Variants in RFX3 observed in about 807,000 individuals in gnomAD.
RFX3 encodes regulatory factor X3.
In RFX3, 14 loss-of-function variants were observed where a neutral mutation model predicts 98.6. The ratio of observed to expected loss-of-function variants is 0.14; its 90% CI spans 0.09 to 0.22. The LOEUF (loss-of-function observed/expected upper bound fraction) is 0.22. RFX3 is among the 10% of genes least tolerant of loss of function. The probability of loss-of-function intolerance (pLI) is 1.00; values close to 1 mark genes in which losing one functional copy is unlikely to be tolerated. For synonymous variants in RFX3, 383 were observed against 328.4 expected (o/e 1.17, Z -1.80); for missense variants, 639 against 926.9 (o/e 0.69, Z 4.03).
chr9:3,482,895 G>A (rs906960384), intron 1 of RFX3, among the ~76,000 whole-genome samples: 1 of 151,982 alleles, frequency 6.6e-6, no homozygotes, highest in African/African-American at 2.4e-5. Flanking sequence ...ATGTCCACTT[G>A]GGAGCTTATT....
At chr9:3,352,098 G>C (rs564598786) in intron 2 of RFX3, among the ~76,000 whole-genome samples, 1 of 151,898 alleles carries the variant, frequency 6.6e-6, no homozygotes, top group Non-Finnish European at 1.5e-5. Flanking sequence ...AATAAAGTAA[G>C]ATATATATGT....
chr9:3,452,092 AC>A (rs1188550319), intron 1 of RFX3, among the ~76,000 whole-genome samples: 2 of 151,298 alleles, frequency 1.3e-5, no homozygotes, highest in African/African-American at 4.9e-5. Flanking sequence ...ATGAAACAAG[AC>A]AAACCTGCTG....
intron 5 of RFX3, among the ~76,000 whole-genome samples, chr9:3,294,509 A>G (rs1395774889): frequency 6.6e-6 from 1 of 152,168 alleles, no homozygotes; most frequent in African/African-American, 2.4e-5. Context: ...ATGAAATGCT[A>G]AAAATAATAT....
chr9:3,342,726 C>A (rs1834030200), intron 3 of RFX3, among the ~76,000 whole-genome samples: 1 of 151,970 alleles, frequency 6.6e-6, no homozygotes, highest in South Asian at 2.1e-4. Flanking sequence ...ACTCTCTCTA[C>A]ATGGTATGCA....
intron 5 of RFX3, among the ~76,000 whole-genome samples, chr9:3,297,616 C>T (rs2986685): frequency 0.087 from 13,278 of 151,856 alleles, 1,680 homozygotes; most frequent in African/African-American, 0.28. Flanking sequence ...AGTTTACTAA[C>T]GATATGCATT....
At chr9:3,258,851 T>A (rs2131147324) in intron 13 of RFX3, among the ~76,000 whole-genome samples, 1 of 151,334 alleles carries the variant, frequency 6.6e-6, no homozygotes, top group South Asian at 2.1e-4. Flanking sequence ...ATTTTAAATA[T>A]ATATTTGTAT....
intron 1 of RFX3, chr9:3,490,431 TAA>T (rs1587846218): frequency 1.2e-5 from 3 of 255,550 alleles, no homozygotes; most frequent in Non-Finnish European, 1.8e-5. Context: ...TTAAAATTAT[TAA>T]GTTTATAGAT....
At chr9:3,512,128 A>AT (rs1817716538) in intron 1 of RFX3, among the ~76,000 whole-genome samples, 1 of 135,012 alleles carries the variant, frequency 7.4e-6, no homozygotes, top group African/African-American at 3.5e-5. Flanking sequence ...CTGTGCTGAG[A>AT]GAAAAAACAA....
chr9:3,488,510 G>A (rs560727015), intron 1 of RFX3, among the ~76,000 whole-genome samples: 1 of 152,130 alleles, frequency 6.6e-6, no homozygotes, highest in Non-Finnish European at 1.5e-5. Context: ...AACTCAAATG[G>A]TTTGAGAAAT....
chr9:3,438,597 A>G (rs1845360549), intron 1 of RFX3, among the ~76,000 whole-genome samples: 1 of 149,352 alleles, frequency 6.7e-6, no homozygotes, highest in Non-Finnish European at 1.5e-5. Context: ...AGAGGTTAAT[A>G]GACTCCTAAA....
At chr9:3,283,767 A>T (rs1826225812) in intron 7 of RFX3, among the ~76,000 whole-genome samples, 1 of 151,790 alleles carries the variant, frequency 6.6e-6, no homozygotes, top group Non-Finnish European at 1.5e-5. Context: ...CCATGCAAAG[A>T]GGCAGGAGGT....
At chr9:3,420,090 T>C (rs1300397502) in intron 1 of RFX3, among the ~76,000 whole-genome samples, 1 of 152,216 alleles carries the variant, frequency 6.6e-6, no homozygotes, top group Non-Finnish European at 1.5e-5. Flanking sequence ...CAGCACCACT[T>C]GTTCCTCAGA....
chr9:3,299,550 A>G (rs1390986713), intron 5 of RFX3, among the ~76,000 whole-genome samples: 3 of 151,892 alleles, frequency 2.0e-5, no homozygotes, highest in Middle Eastern at 3.4e-3. Context: ...AAAGATTACC[A>G]CTGCACAATC....
intron 1 of RFX3, among the ~76,000 whole-genome samples, chr9:3,422,007 A>AG (rs1289407485): frequency 6.6e-6 from 1 of 151,930 alleles, no homozygotes; most frequent in Non-Finnish European, 1.5e-5. Context: ...CTTCTAAAAA[A>AG]AAAAAAAATC....
intron 9 of RFX3, 38 bp from the exon 10 acceptor site, chr9:3,271,156 T>C: frequency 6.4e-7 from 1 of 1,559,582 alleles, no homozygotes; most frequent in Non-Finnish European, 8.8e-7. Flanking sequence ...CCTTACAATA[T>C]TATTTACGGG....
chr9:3,509,728 A>T (rs1005044505), intron 1 of RFX3, among the ~76,000 whole-genome samples: 6 of 152,158 alleles, frequency 3.9e-5, no homozygotes, highest in Non-Finnish European at 7.4e-5. Context: ...TCTAGAAAAA[A>T]ATATGGAGTT....
At chr9:3,394,951 A>G in intron 2 of RFX3, 1 of 384,906 alleles carries the variant, frequency 2.6e-6, no homozygotes, top group Non-Finnish European at 3.6e-6. Context: ...AGCTTGAGTC[A>G]GATCTCCAGA....
At chr9:3,360,548 T>C (rs149490378) in intron 2 of RFX3, among the ~76,000 whole-genome samples, 2 of 152,238 alleles carry the variant, frequency 1.3e-5, no homozygotes, top group African/African-American at 2.4e-5. Context: ...TATAAATATA[T>C]GCATGATGTA....
chr9:3,466,072 C>T (rs1359409102), intron 1 of RFX3, among the ~76,000 whole-genome samples: 2 of 152,072 alleles, frequency 1.3e-5, no homozygotes, highest in African/African-American at 4.8e-5. Context: ...CCTATTTATG[C>T]CATGCATAGT....
Sources: gnomAD v4.1 joint callset for allele counts (sites outside exome capture counted in the v4.1 genomes callset) on GRCh38, gnomAD v4.1.1 for gene constraint, MANE v1.5 for transcripts, NCBI Gene and HGNC (gene_info 2026-07-23, HGNC 2026-07-21) for gene names.